Variants in HS6ST3 observed in about 807,000 individuals in gnomAD.
HS6ST3 encodes heparan-sulfate 6-O-sulfotransferase 3.
In HS6ST3, 12 loss-of-function variants were observed where a neutral mutation model predicts 36.7. The ratio of observed to expected loss-of-function variants is 0.33; its 90% CI spans 0.21 to 0.53. HS6ST3 has a LOEUF of 0.53. Ranked by LOEUF, HS6ST3 falls within the 20% of genes least tolerant of loss-of-function variation. HS6ST3 has a pLI of 0.95. For missense variants in HS6ST3, 584 were observed against 640.9 expected, an observed-to-expected ratio of 0.91 and a Z score of 0.96; for synonymous variants, 240 against 257.5, an observed-to-expected ratio of 0.93 and a Z score of 0.65.
intron 1 of HS6ST3, among the ~76,000 whole-genome samples, chr13:96,694,360 C>T (rs1444012267): frequency 2.6e-5 from 4 of 152,122 alleles, no homozygotes; most frequent in East Asian, 1.9e-4. Context: ...TTTTTTATAG[C>T]GGCATAGTAT....
At chr13:96,281,411 G>A (rs1037307398) in intron 1 of HS6ST3, among the ~76,000 whole-genome samples, 2 of 152,208 alleles carry the variant, frequency 1.3e-5, no homozygotes, top group African/African-American at 4.8e-5. Flanking sequence ...AGAAACAACT[G>A]TGCATGCTTT....
intron 1 of HS6ST3, among the ~76,000 whole-genome samples, chr13:96,210,091 C>G (rs2054391552): frequency 6.6e-6 from 1 of 152,128 alleles, no homozygotes; most frequent in Middle Eastern, 3.2e-3. Context: ...GGAATACTGC[C>G]TTGGTTGAGA....
Position 96,823,089 on chromosome 13 carries a change from C to T in HS6ST3, c.708-9401C>T, listed in dbSNP as rs139711019. On this transcript the variant is annotated intron_variant, in intron 1 of 1. Coordinates refer to ENST00000376705, the MANE Select transcript of HS6ST3 (RefSeq NM_153456.4). ...AGGGAGCAGCACCTGTCTCCAGCACCCTCTTGGCTCCCAGGCAGCCATGCT... is the reference window on the plus strand; with the variant it reads ...AGGGAGCAGCACCTGTCTCCAGCACTCTCTTGGCTCCCAGGCAGCCATGCT... 1.0e-3 allele frequency among the ~76,000 whole-genome samples: 156 copies of T among 152,300 alleles called. 2 individuals carry two copies. Among genetic ancestry groups the T allele is most frequent in the Admixed American group, 1.7e-3 (26 of 15,306 alleles).
intron 1 of HS6ST3, among the ~76,000 whole-genome samples, chr13:96,208,260 TA>T: frequency 6.6e-6 from 1 of 152,160 alleles, no homozygotes. Flanking sequence ...ATTTTTCCAT[TA>T]AAAATTATTC....
intron 1 of HS6ST3, among the ~76,000 whole-genome samples, chr13:96,654,420 T>C (rs1278738357): frequency 6.6e-6 from 1 of 152,108 alleles, no homozygotes; most frequent in Non-Finnish European, 1.5e-5. Flanking sequence ...TTCTGTTTTC[T>C]GCATATGGCT....
At chr13:96,703,410 G>A (rs1457594336) in intron 1 of HS6ST3, among the ~76,000 whole-genome samples, 1 of 152,134 alleles carries the variant, frequency 6.6e-6, no homozygotes, top group Non-Finnish European at 1.5e-5. Context: ...TAATTTACTG[G>A]TGCATCCTAA....
chr13:96,240,918 C>T (rs769654410), intron 1 of HS6ST3, among the ~76,000 whole-genome samples: 19 of 152,132 alleles, frequency 1.2e-4, no homozygotes, highest in South Asian at 2.1e-4. Context: ...AAAGTGTTTA[C>T]GAGTTAGAAT....
intron 1 of HS6ST3, among the ~76,000 whole-genome samples, chr13:96,826,251 T>C (rs1878644433): frequency 6.6e-6 from 1 of 152,186 alleles, no homozygotes; most frequent in Non-Finnish European, 1.5e-5. Flanking sequence ...GACAAGTGCA[T>C]TAGAAGATTA....
intron 1 of HS6ST3, among the ~76,000 whole-genome samples, chr13:96,469,771 T>C (rs4111146): frequency 0.99 from 151,310 of 152,160 alleles, 75,238 homozygotes; most frequent in Middle Eastern, 1. Flanking sequence ...ATGGTGATGT[T>C]GGTAGAAATT....
intron 1 of HS6ST3, among the ~76,000 whole-genome samples, chr13:96,341,170 G>T (rs960738124): frequency 6.6e-6 from 1 of 152,108 alleles, no homozygotes; most frequent in African/African-American, 2.4e-5. Flanking sequence ...TTTCGAAGTG[G>T]TATAAAATAT....
intron 1 of HS6ST3, among the ~76,000 whole-genome samples, chr13:96,208,327 T>C (rs2054382230): frequency 6.6e-6 from 1 of 152,182 alleles, no homozygotes; most frequent in Admixed American, 6.5e-5. Context: ...CTTGGGTCTT[T>C]CAGTCCTGAT....
At chr13:96,688,213 T>TATGATAATAATA (rs1874841182) in intron 1 of HS6ST3, among the ~76,000 whole-genome samples, 1 of 75,050 alleles carries the variant, frequency 1.3e-5, no homozygotes. Context: ...GAACTTAAAG[T>TATGATAATAATA]ATAATAATAA....
intron 1 of HS6ST3, among the ~76,000 whole-genome samples, chr13:96,380,754 T>G (rs2055336974): frequency 6.6e-6 from 1 of 152,254 alleles, no homozygotes; most frequent in Non-Finnish European, 1.5e-5. Context: ...AATAAACAAT[T>G]TCTTGCTTAA....
At chr13:96,631,747 C>T (rs1464030122) in intron 1 of HS6ST3, among the ~76,000 whole-genome samples, 1 of 152,164 alleles carries the variant, frequency 6.6e-6, no homozygotes, top group African/African-American at 2.4e-5. Flanking sequence ...TTCTCAAAAT[C>T]CCAATTAATT....
At chr13:96,595,544 T>C (rs1447738520) in intron 1 of HS6ST3, among the ~76,000 whole-genome samples, 3 of 152,068 alleles carry the variant, frequency 2.0e-5, no homozygotes, top group African/African-American at 7.2e-5. Context: ...TTGAATCTGA[T>C]TGGTGACCTT....
chr13:96,419,910 C>T (rs760845846), intron 1 of HS6ST3, among the ~76,000 whole-genome samples: 1 of 152,128 alleles, frequency 6.6e-6, no homozygotes, highest in Admixed American at 6.5e-5. Flanking sequence ...ATTGCACCTG[C>T]AAAGACTCTA....
At chr13:96,409,940 A>G (rs2055498880) in intron 1 of HS6ST3, among the ~76,000 whole-genome samples, 2 of 152,220 alleles carry the variant, frequency 1.3e-5, no homozygotes, top group Admixed American at 6.5e-5. Context: ...TTTAGTGGGA[A>G]AAAAGTTATA....
At chr13:96,561,172 G>T (rs908149202) in intron 1 of HS6ST3, among the ~76,000 whole-genome samples, 4 of 152,086 alleles carry the variant, frequency 2.6e-5, no homozygotes, top group African/African-American at 7.2e-5. Flanking sequence ...GCATGGTACT[G>T]ATATAAAAAC....
At chr13:96,607,363 C>A (rs1312421633) in intron 1 of HS6ST3, among the ~76,000 whole-genome samples, 1 of 152,162 alleles carries the variant, frequency 6.6e-6, no homozygotes, top group African/African-American at 2.4e-5. Flanking sequence ...ATACAGCCTT[C>A]TAATGTCTAG....
Sources: allele counts gnomAD v4.1 joint callset (sites outside exome capture counted in the v4.1 genomes callset), GRCh38; gene constraint gnomAD v4.1.1; transcripts MANE v1.5; gene names NCBI Gene and HGNC (gene_info 2026-07-23, HGNC 2026-07-21).